SEMA3D: variants seen among roughly 807,000 people sequenced by gnomAD.
SEMA3D encodes the protein semaphorin 3D, also known as semaphorin-3D.
A neutral mutation model predicts 100.1 loss-of-function variants in SEMA3D; 84 were observed. The ratio of observed to expected loss-of-function variants is 0.84; its 90% CI spans 0.70 to 1.01. SEMA3D has a LOEUF of 1.01. Among genes scored for constraint, SEMA3D ranks in the 50% least tolerant of loss-of-function variants. The probability of loss-of-function intolerance (pLI) is 0.00; values close to 1 mark genes in which losing one functional copy is unlikely to be tolerated. For synonymous variants in SEMA3D, 312 were observed against 320.7 expected (o/e 0.97, Z 0.29); for missense variants, 875 against 934.1 (o/e 0.94, Z 0.82).
the SEMA3D span, among the ~76,000 whole-genome samples, chr7:85,231,595 C>T: frequency 2.0e-5 from 3 of 151,966 alleles, no homozygotes; most frequent in East Asian, 1.9e-4. Flanking sequence ...GGACTACAGG[C>T]GTCTGCCACC....
intron 2 of SEMA3D, among the ~76,000 whole-genome samples, chr7:85,135,066 C>T (rs1257011751): frequency 2.0e-5 from 3 of 151,282 alleles, no homozygotes; most frequent in East Asian, 3.9e-4. Flanking sequence ...AGAAGGGCCA[C>T]GAGATAATGG....
the SEMA3D span, among the ~76,000 whole-genome samples, chr7:85,205,140 C>T: frequency 1.3e-5 from 2 of 151,908 alleles, no homozygotes; most frequent in Non-Finnish European, 2.9e-5. Context: ...GAACTATTTG[C>T]TTTCTCATTA....
intron 1 of SEMA3D, among the ~76,000 whole-genome samples, chr7:85,173,713 T>C (rs1791147740): frequency 6.6e-6 from 1 of 152,158 alleles, no homozygotes. Flanking sequence ...TATTAACCCA[T>C]GTGTTCCTCA....
chr7:85,153,329 A>G lies in SEMA3D; in HGVS notation c.-41+279T>C, dbSNP rs761833786. Among the ~76,000 whole-genome samples, 78 of 152,192 alleles carry G rather than the reference A, an allele frequency of 5.1e-4. 1 individual carries two copies. The highest frequency in any genetic ancestry group is 3.1e-4 in the African/African-American group (13 of 41,470). On this transcript the variant is annotated intron_variant, in intron 2 of 18. Transcript: ENST00000284136. ...TATTTTTGTTTCAAGAGTCATTAAG[A>G]TGATACAGCAGAGACCCAATCATTA... is the stretch of plus-strand genomic sequence containing the variant.
the SEMA3D span, among the ~76,000 whole-genome samples, chr7:85,246,241 G>A: frequency 6.6e-6 from 1 of 152,064 alleles, no homozygotes; most frequent in Admixed American, 6.5e-5. Context: ...ATATCTTTAA[G>A]CACAGCAAAG....
chr7:85,039,623 A>C (rs1428980266), intron 11 of SEMA3D, among the ~76,000 whole-genome samples: 2 of 152,180 alleles, frequency 1.3e-5, no homozygotes, highest in Non-Finnish European at 2.9e-5. Flanking sequence ...AGCATTATGC[A>C]AAAAGAAGAC....
intron 18 of SEMA3D, among the ~76,000 whole-genome samples, chr7:85,002,459 C>A (rs746263834): frequency 6.6e-6 from 1 of 152,102 alleles, no homozygotes; most frequent in Non-Finnish European, 1.5e-5. Flanking sequence ...AAATCTGTGA[C>A]CCAGAAACTA....
the SEMA3D span, among the ~76,000 whole-genome samples, chr7:85,215,220 G>C: frequency 6.6e-6 from 1 of 150,912 alleles, no homozygotes; most frequent in Admixed American, 6.6e-5. Context: ...TCATTAACTA[G>C]GGCTTTAGAA....
At chr7:85,183,998 T>G (rs1175631747) in intron 1 of SEMA3D, among the ~76,000 whole-genome samples, 2 of 152,152 alleles carry the variant, frequency 1.3e-5, no homozygotes, top group African/African-American at 4.8e-5. Context: ...TTTTTTCCTT[T>G]ACGGACATTG....
the SEMA3D span, among the ~76,000 whole-genome samples, chr7:85,242,068 T>C: frequency 6.6e-6 from 1 of 152,028 alleles, no homozygotes; most frequent in Admixed American, 6.6e-5. Context: ...GTCACCTTTG[T>C]TTTCTGCTTT....
At chr7:85,246,620 T>C in the SEMA3D span, among the ~76,000 whole-genome samples, 1 of 151,966 alleles carries the variant, frequency 6.6e-6, no homozygotes, top group South Asian at 2.1e-4. Flanking sequence ...GTAAATTAGA[T>C]GTGTGAAAAT....
At chr7:85,116,371 T>C (rs955721124) in intron 3 of SEMA3D, among the ~76,000 whole-genome samples, 9 of 146,724 alleles carry the variant, frequency 6.1e-5, no homozygotes, top group African/African-American at 1.5e-4. Context: ...TATATTTATA[T>C]ATATTTATAT....
At chr7:85,107,681 T>C (rs1788971036) in intron 3 of SEMA3D, among the ~76,000 whole-genome samples, 1 of 152,042 alleles carries the variant, frequency 6.6e-6, no homozygotes, top group Non-Finnish European at 1.5e-5. Flanking sequence ...AGGCTCAACA[T>C]TTCTGAATCA....
chr7:85,091,136 A>AGGAAGGAAGGAG (rs1788378450), intron 4 of SEMA3D, among the ~76,000 whole-genome samples: 4 of 137,564 alleles, frequency 2.9e-5, no homozygotes, highest in African/African-American at 1.1e-4. Context: ...GAAGGAGGGA[A>AGGAAGGAAGGAG]GGAAGGAAGG....
intron 3 of SEMA3D, among the ~76,000 whole-genome samples, chr7:85,116,167 C>A (rs974036371): frequency 3.3e-5 from 5 of 149,836 alleles, no homozygotes; most frequent in African/African-American, 1.2e-4. Context: ...CAATTTGTTT[C>A]AGAGAGAGAG....
upstream of SEMA3D, among the ~76,000 whole-genome samples, chr7:85,187,573 C>T (rs2534873): frequency 0.19 from 28,295 of 152,126 alleles, 2,794 homozygotes; most frequent in Non-Finnish European, 0.23. Context: ...GAATGTAATC[C>T]TTTCTTCCTC....
chr7:85,056,911 A>ATATG (rs1562799780), intron 8 of SEMA3D, among the ~76,000 whole-genome samples: 1 of 147,612 alleles, frequency 6.8e-6, no homozygotes, highest in South Asian at 2.1e-4. Context: ...ATATATATAT[A>ATATG]TATGTATAGC....
At chr7:85,167,530 A>T (rs1790940875) in intron 1 of SEMA3D, 3 of 245,902 alleles carry the variant, frequency 1.2e-5, no homozygotes, top group Non-Finnish European at 1.9e-5. Flanking sequence ...TTATTGTTAT[A>T]AATACACGAA....
At chr7:85,117,843 G>A (rs1458387045) in intron 3 of SEMA3D, among the ~76,000 whole-genome samples, 2 of 150,592 alleles carry the variant, frequency 1.3e-5, no homozygotes, top group Non-Finnish European at 3.0e-5. Flanking sequence ...ACTATATATA[G>A]ATACATATAC....
Sources: allele counts gnomAD v4.1 joint callset (sites outside exome capture counted in the v4.1 genomes callset), GRCh38; gene constraint gnomAD v4.1.1; transcripts MANE v1.5; gene names NCBI Gene and HGNC (gene_info 2026-07-23, HGNC 2026-07-21).